Variants in PANK2 observed in about 807,000 individuals in gnomAD.
The protein encoded by PANK2 is pantothenate kinase 2, mitochondrial.
A neutral mutation model predicts 43.1 loss-of-function variants in PANK2; 36 were observed. That is an observed-to-expected ratio of 0.84 (90% CI 0.64 to 1.10). PANK2 has a LOEUF of 1.10. PANK2 is among the 50% of genes least tolerant of loss of function. The pLI, the probability that PANK2 is intolerant of heterozygous loss-of-function variation, is 0.00. For missense variants in PANK2, 576 were observed against 593.3 expected (o/e 0.97, Z 0.30); for synonymous variants, 281 against 238.2 (o/e 1.18, Z -1.66).
At chr20:3,888,947 GCCAGACGCTGC>G, upstream of PANK2, 1 of 580,442 alleles carries the variant, frequency 1.7e-6, no homozygotes, top group Non-Finnish European at 2.9e-6. Flanking sequence ...ACGACCAGCG[GCCAGACGCTGC>G]GGGAGCACTG....
chr20:3,891,006 C>T (rs1031451154), intron 1 of PANK2, among the ~76,000 whole-genome samples: 5 of 152,128 alleles, frequency 3.3e-5, no homozygotes, highest in Non-Finnish European at 5.9e-5. Context: ...AAAGATTCAG[C>T]AAATAAGAGT....
In PANK2 at chr20:3,929,825, T is replaced by A. The variant is rs2090795117; in HGVS notation, c.*6531T>A. On this transcript the variant is annotated 3_prime_UTR_variant, in exon 7 of 7. Coordinates refer to ENST00000610179, the MANE Select transcript of PANK2 (RefSeq NM_001386393.1). The stretch of plus-strand genomic sequence containing the variant: ...GGGGTAAGGGAGGGACTGCAGATTC[T>A]GATTTGTACAGAAAACTAAAATTTC... 1 of 152,238 alleles carries A rather than the reference T, an allele frequency of 6.6e-6. No homozygotes were observed. The highest frequency in any genetic ancestry group is 6.5e-5 in the Admixed American group (1 of 15,280). 9.4% of individuals were successfully genotyped at this position (152,238 alleles called of 1,614,324 possible).
intron 3 of PANK2, among the ~76,000 whole-genome samples, chr20:3,912,174 C>T (rs773223221): frequency 3.9e-5 from 6 of 152,238 alleles, no homozygotes; most frequent in Middle Eastern, 3.4e-3. Context: ...TGGCCCCAGG[C>T]GTGTCAGGCT....
upstream of PANK2, chr20:3,889,300 A>T: frequency 6.2e-7 from 1 of 1,603,912 alleles, no homozygotes. Flanking sequence ...ACTGGACGCG[A>T]GGCCTTTGGG....
In PANK2 at chr20:3,903,907, G is replaced by T. The variant is rs949858627; in HGVS notation, c.299-4019G>T. ...CTCCCAAAGTGTTGGGATTACAGGC[G>T]TGAGCCACTGCGCCCAGCCTAATAT... On this transcript the variant is annotated intron_variant, in intron 1 of 6. Transcript: ENST00000610179. 2.6e-5 allele frequency among the ~76,000 whole-genome samples: 4 copies of T among 152,046 alleles called. 1 individual carries two copies. In the East Asian group the frequency reaches 7.7e-4, roughly 29 times the overall value.
In PANK2 at chr20:3,907,908, T is replaced by C; in HGVS notation, c.299-18T>C. 2.5e-6 allele frequency: 4 copies of C among 1,610,330 alleles called. No homozygotes were observed. Among genetic ancestry groups the C allele is most frequent in the Non-Finnish European group, 3.4e-6 (4 of 1,176,606 alleles). On this transcript the variant is annotated intron_variant, in intron 1 of 6. Transcript: ENST00000610179. ...TTCAGAAAAAAGCTGTTCTGACTTA[T>C]TTTTCTTCCCCATTTAGTTTTTCCA...
At chr20:3,916,150 C>T (rs770684906) in intron 4 of PANK2, among the ~76,000 whole-genome samples, 2 of 152,244 alleles carry the variant, frequency 1.3e-5, no homozygotes, top group Non-Finnish European at 2.9e-5. Flanking sequence ...TTTTATTGTA[C>T]AGGTGTTAAT....
chr20:3,912,179 C>G (rs969361691), intron 3 of PANK2, among the ~76,000 whole-genome samples: 16 of 152,144 alleles, frequency 1.1e-4, no homozygotes, highest in African/African-American at 1.4e-4. Flanking sequence ...CCAGGCGTGT[C>G]AGGCTAATTT....
upstream of PANK2, chr20:3,889,295 A>G (rs2090069003): frequency 1.2e-6 from 2 of 1,605,834 alleles, no homozygotes; most frequent in African/African-American, 2.7e-5. Context: ...AGCCGACTGG[A>G]CGCGAGGCCT....
rs2090689300 is a variant in PANK2, at chr20:3,924,243, A to G, written c.*949A>G. ...GAAGCTTTTCTTTCTGCTTTGCAGA[A>G]TAATTTCAAAAGCCTTTCCCAAGGA... On this transcript the variant is annotated 3_prime_UTR_variant, in exon 7 of 7. Coordinates refer to ENST00000610179, the MANE Select transcript of PANK2 (RefSeq NM_001386393.1). 1 of 152,308 alleles carries G rather than the reference A, an allele frequency of 6.6e-6. No individual in the cohort carries two copies. The highest frequency in any genetic ancestry group is 6.5e-5 in the Admixed American group (1 of 15,280). The allele number at this position is 152,308 out of a possible 1,614,324, so 9.4% of individuals were successfully genotyped here. A position where few individuals can be genotyped will look rare whatever the true frequency, so the allele number is the denominator to read the frequency against.
At chr20:3,895,154 A>G (rs974535344) in intron 1 of PANK2, among the ~76,000 whole-genome samples, 10 of 152,002 alleles carry the variant, frequency 6.6e-5, no homozygotes, top group African/African-American at 2.4e-4. Flanking sequence ...CACACCTGTA[A>G]TCCCAGCTAC....
At chr20:3,893,924 G>GTTTTTTTTTTTTTTTT (rs1046729224) in intron 1 of PANK2, among the ~76,000 whole-genome samples, 3 of 124,918 alleles carry the variant, frequency 2.4e-5, no homozygotes, top group East Asian at 2.3e-4. Context: ...TTTTTTGTTT[G>GTTTTTTTTTTTTTTTT]TTTTTTGTTT....
At chr20:3,890,532 G>A (rs1256420204) in intron 1 of PANK2, among the ~76,000 whole-genome samples, 4 of 152,192 alleles carry the variant, frequency 2.6e-5, no homozygotes, top group African/African-American at 9.7e-5. Context: ...AGCCATTGCT[G>A]CTGTTGAAAG....
In PANK2 at chr20:3,908,104, GCTGAAGGAC is replaced by G; in HGVS notation, c.482_490del (p.Lys161_Leu163del). On this transcript the variant is annotated inframe_deletion, in exon 2 of 7. Coordinates refer to ENST00000610179, the MANE Select transcript of PANK2 (RefSeq NM_001386393.1). ...CAGGCATTCGGGACGTGCACCTCGA[GCTGAAGGAC>G]CTGACTCTGTGTGGACGCAAAGGCA... The G allele has an allele frequency of 6.2e-7, 1 of 1,614,112 alleles. No homozygotes were observed.
In PANK2 at chr20:3,898,699, T is replaced by A. The variant is rs1236723606; in HGVS notation, c.298+8971T>A. On this transcript the variant is annotated intron_variant, in intron 1 of 6. Coordinates refer to ENST00000610179, the MANE Select transcript of PANK2 (RefSeq NM_001386393.1). Reference sequence around the variant, plus strand: ...AAGTAGATAGATTTATTTCTTTGTTTGTTGGATTAATTTCTAATTTTGAAG... The same window carrying A: ...AAGTAGATAGATTTATTTCTTTGTTAGTTGGATTAATTTCTAATTTTGAAG... Among the ~76,000 whole-genome samples the A allele has an allele frequency of 2.0e-5, 3 of 152,128 alleles. 1 individual carries two copies. The East Asian group carries it at 5.8e-4, about 29-fold the overall frequency.
At chr20:3,901,219 A>C (rs904082644) in intron 1 of PANK2, among the ~76,000 whole-genome samples, 1 of 149,648 alleles carries the variant, frequency 6.7e-6, no homozygotes, top group Non-Finnish European at 1.5e-5. Flanking sequence ...ATCATACCTA[A>C]ATTTTTTTTT....
chr20:3,911,121 A>T (rs1298093607), intron 3 of PANK2, among the ~76,000 whole-genome samples: 1 of 152,252 alleles, frequency 6.6e-6, no homozygotes, highest in Non-Finnish European at 1.5e-5. Flanking sequence ...TAAAGTTATT[A>T]GGCAGCATCT....
Position 3,929,072 on chromosome 20 carries a change from CTT to C in PANK2, c.*5779_*5780del, listed in dbSNP as rs1311705717. ...ATATTGGTCAGGCTGGTCTTGAACT[CTT>C]GACCTAAGGTGATCCGCCTGCCTCG... is the stretch of plus-strand genomic sequence containing the variant. On this transcript the variant is annotated 3_prime_UTR_variant, in exon 7 of 7. Transcript: ENST00000610179. The C allele has an allele frequency of 6.6e-6, 1 of 152,152 alleles. No homozygotes were observed. Among genetic ancestry groups the C allele is most frequent in the Admixed American group, 6.5e-5 (1 of 15,278 alleles). 9.4% of individuals were successfully genotyped at this position (152,152 alleles called of 1,614,324 possible). A position where few individuals can be genotyped will look rare whatever the true frequency, so the allele number is the denominator to read the frequency against.
rs745322963 is a variant in PANK2 at position 3,908,132 on chromosome 20, A to G, written c.505A>G (p.Lys169Glu). The G allele has an allele frequency of 1.9e-6, 3 of 1,614,194 alleles. No individual in the cohort carries two copies. The highest frequency in any genetic ancestry group is 3.3e-5 in the Admixed American group (2 of 60,024). Residue 169 changes from lysine to glutamate, a missense_variant, in exon 2 of 7, where the codon AAA becomes GAA. This residue lies in a region of PANK2 where 544 missense variants were observed against 528.9 expected (regional missense o/e 1.03). Transcript: ENST00000610179. ...GAAGGACCTGACTCTGTGTGGACGC[A>G]AAGGCAATCTGCACTTTATACGCTT...
Sources: gnomAD v4.1 joint callset for allele counts (sites outside exome capture counted in the v4.1 genomes callset) on GRCh38, gnomAD v4.1.1 for gene constraint, gnomAD v4.1.1 regional missense constraint, MANE v1.5 for transcripts, NCBI Gene and HGNC (gene_info 2026-07-23, HGNC 2026-07-21) for gene names.